PDSS1: variants seen among roughly 807,000 people sequenced by gnomAD.
PDSS1 encodes the protein decaprenyl diphosphate synthase subunit 1.
A neutral mutation model predicts 57.5 loss-of-function variants in PDSS1; 43 were observed. The ratio of observed to expected loss-of-function variants is 0.75; its 90% CI spans 0.59 to 0.96. PDSS1 has a LOEUF of 0.96. Ranked by LOEUF, PDSS1 falls within the 50% of genes least tolerant of loss-of-function variation. The pLI is 0.00. For missense variants in PDSS1, 438 were observed against 527.8 expected, an observed-to-expected ratio of 0.83 and a Z score of 1.67; for synonymous variants, 175 against 191.3, an observed-to-expected ratio of 0.91 and a Z score of 0.70.
chr10:26,703,225 G>A (rs1201280348), intron 2 of PDSS1, among the ~76,000 whole-genome samples: 2 of 152,154 alleles, frequency 1.3e-5, no homozygotes, highest in African/African-American at 4.8e-5. Context: ...AGGCCACTTG[G>A]TGGTAAAAAG....
chr10:26,717,420 C>T (rs1235089082), intron 5 of PDSS1, among the ~76,000 whole-genome samples: 1 of 152,110 alleles, frequency 6.6e-6, no homozygotes, highest in Non-Finnish European at 1.5e-5. Context: ...TTAGTGGAGA[C>T]GTGGTTTCGT....
At chr10:26,726,840 TC>T (rs1835964646) in intron 8 of PDSS1, among the ~76,000 whole-genome samples, 1 of 152,114 alleles carries the variant, frequency 6.6e-6, no homozygotes, top group South Asian at 2.1e-4. Context: ...GGCGAGTGGA[TC>T]ACTTTAGTCC....
chr10:26,709,792 T>C, intron 5 of PDSS1, 24 bp downstream of exon 5: 2 of 1,612,216 alleles, frequency 1.2e-6, no homozygotes, highest in South Asian at 2.2e-5. Flanking sequence ...TTCATTCCTT[T>C]CTTGTTTTTA....
At chr10:26,734,782 T>C (rs1226478001) in intron 8 of PDSS1, 4 of 456,396 alleles carry the variant, frequency 8.8e-6, no homozygotes, top group Non-Finnish European at 1.8e-5. Context: ...TGTGTGTGAT[T>C]ACATTAGTAT....
intron 6 of PDSS1, 31 bp from the exon 7 acceptor site, chr10:26,723,775 A>G: frequency 1.4e-6 from 2 of 1,458,332 alleles, no homozygotes; most frequent in Non-Finnish European, 1.9e-6. Flanking sequence ...GATTTTTCAG[A>G]ACGTTCTGTT....
At chr10:26,734,606 G>C in intron 8 of PDSS1, 1 of 447,602 alleles carries the variant, frequency 2.2e-6, no homozygotes, top group South Asian at 1.6e-5. Flanking sequence ...GAGAAATGTG[G>C]AAACAGTGGG....
chr10:26,703,484 TA>T (rs1351024575), intron 2 of PDSS1, among the ~76,000 whole-genome samples: 25 of 152,244 alleles, frequency 1.6e-4, no homozygotes, highest in African/African-American at 6.0e-4. Context: ...TAATAATTAT[TA>T]AGTCTCTTAC....
intron 10 of PDSS1, chr10:26,740,580 A>G (rs1395797846): frequency 4.4e-6 from 2 of 454,252 alleles, no homozygotes; most frequent in South Asian, 1.6e-5. Flanking sequence ...TGTATGCCCT[A>G]TTTTTTCTTC....
At chr10:26,705,795 T>A (rs965131813) in intron 4 of PDSS1, among the ~76,000 whole-genome samples, 1 of 152,234 alleles carries the variant, frequency 6.6e-6, no homozygotes, top group African/African-American at 2.4e-5. Flanking sequence ...CAGTTTGCAA[T>A]CTTGATTGAC....
chr10:26,736,647 C>T (rs1372853439), intron 10 of PDSS1, among the ~76,000 whole-genome samples: 5 of 151,476 alleles, frequency 3.3e-5, no homozygotes, highest in African/African-American at 9.8e-5. Context: ...GGGAGGCTGA[C>T]GTTCTGGGTG....
intron 6 of PDSS1, 49 bp from the exon 7 acceptor site, chr10:26,723,757 C>T (rs368371764): frequency 3.1e-6 from 4 of 1,275,700 alleles, no homozygotes; most frequent in Non-Finnish European, 3.4e-6. Flanking sequence ...GGCTCTACTG[C>T]TCTGATGGAT....
rs867184699 is a variant in PDSS1 at position 26,746,610 on chromosome 10, A to T, written c.*137A>T. 1.4e-5 allele frequency: 12 copies of T among 873,050 alleles called. No individual in the cohort carries two copies. Among genetic ancestry groups the T allele is most frequent in the East Asian group, 2.8e-5 (1 of 35,940 alleles). The allele number at this position is 873,050 out of a possible 1,614,324, so 54.1% of individuals were successfully genotyped here. On this transcript the variant is annotated 3_prime_UTR_variant, in exon 12 of 12. Transcript: ENST00000376215. ...TATCAAACTTATTGATGGGCAATTT[A>T]TTTTTTTTTATTGCAAAAGTTTTTT... is the stretch of plus-strand genomic sequence containing the variant.
intron 2 of PDSS1, among the ~76,000 whole-genome samples, chr10:26,703,184 T>G (rs1835098168): frequency 6.6e-6 from 1 of 152,200 alleles, no homozygotes; most frequent in Admixed American, 6.5e-5. Context: ...CCGAGATCTG[T>G]CTTCCAAAGT....
In PDSS1 at chr10:26,742,823, T is replaced by G. The variant is rs2291053; in HGVS notation, c.1107+246T>G. ...AGGTAAGGCACAGACATTAATATCT[T>G]TTAAAAGGTACCTAAGTGATTGTGG... On this transcript the variant is annotated intron_variant, in intron 11 of 11. Transcript: ENST00000376215. 3.6e-3 allele frequency among the ~76,000 whole-genome samples: 545 copies of G among 152,340 alleles called. 5 individuals are homozygous for G. The highest frequency in any genetic ancestry group is 0.029 in the East Asian group (151 of 5,188).
chr10:26,727,062 A>AG (rs1835976299), intron 8 of PDSS1, among the ~76,000 whole-genome samples: 1 of 87,694 alleles, frequency 1.1e-5, no homozygotes, highest in South Asian at 5.6e-4. Context: ...AGTCTCTCAA[A>AG]AAAAAAACAA....
chr10:26,715,270 A>G (rs1835525444), intron 5 of PDSS1: 2 of 152,162 alleles, frequency 1.3e-5, no homozygotes. Context: ...TTCATGCATG[A>G]GTGCAAGGTC....
intron 11 of PDSS1, among the ~76,000 whole-genome samples, chr10:26,745,238 A>G (rs1477860216): frequency 6.6e-6 from 1 of 152,210 alleles, no homozygotes; most frequent in Non-Finnish European, 1.5e-5. Flanking sequence ...ATTATAGTAT[A>G]TGACTTGATT....
At chr10:26,700,428 A>AC (rs1835013060) in intron 1 of PDSS1, among the ~76,000 whole-genome samples, 1 of 151,874 alleles carries the variant, frequency 6.6e-6, no homozygotes, top group South Asian at 2.1e-4. Context: ...ACTTAGTGAG[A>AC]CCTCCTGATA....
intron 5 of PDSS1, among the ~76,000 whole-genome samples, chr10:26,713,506 G>A (rs1474526136): frequency 2.0e-5 from 3 of 151,302 alleles, no homozygotes; most frequent in African/African-American, 7.4e-5. Context: ...GTTCACGGGA[G>A]TTGTGGGATG....
Sources: gnomAD v4.1 joint callset for allele counts (sites outside exome capture counted in the v4.1 genomes callset) on GRCh38, gnomAD v4.1.1 for gene constraint, MANE v1.5 for transcripts, NCBI Gene and HGNC (gene_info 2026-07-23, HGNC 2026-07-21) for gene names.